Variants in DENND1A observed in about 807,000 individuals in gnomAD.
The protein encoded by DENND1A is DENN domain-containing protein 1A.
Under a neutral mutation model 113.7 loss-of-function variants are expected in DENND1A, and 51 were observed. That is an observed-to-expected ratio of 0.45 (90% CI 0.36 to 0.57). The LOEUF is 0.57. DENND1A is among the 20% of genes least tolerant of loss of function. The probability of loss-of-function intolerance (pLI) is 0.00; values close to 1 mark genes in which losing one functional copy is unlikely to be tolerated. For synonymous variants in DENND1A, 565 were observed against 570.8 expected (o/e 0.99, Z 0.14); for missense variants, 1,258 against 1,395.9 (o/e 0.90, Z 1.57).
chr9:123,886,178 T>A (rs1490355531), intron 1 of DENND1A, among the ~76,000 whole-genome samples: 4 of 151,958 alleles, frequency 2.6e-5, no homozygotes, highest in African/African-American at 9.7e-5. Context: ...TAATGGCGTT[T>A]TTTGTTTTGT....
intron 1 of DENND1A, among the ~76,000 whole-genome samples, chr9:123,885,018 C>CAG (rs1341033560): frequency 6.7e-6 from 1 of 149,696 alleles, no homozygotes; most frequent in African/African-American, 2.5e-5. Flanking sequence ...CACACACACA[C>CAG]ACACACACAC....
chr9:123,701,011 A>T (rs2065852377), intron 5 of DENND1A, among the ~76,000 whole-genome samples: 1 of 152,236 alleles, frequency 6.6e-6, no homozygotes, highest in Non-Finnish European at 1.5e-5. Flanking sequence ...TTTAATACCA[A>T]TTTCCTTACC....
intron 10 of DENND1A, among the ~76,000 whole-genome samples, chr9:123,614,415 T>A (rs547903166): frequency 6.6e-6 from 1 of 152,312 alleles, no homozygotes; most frequent in South Asian, 2.1e-4. Flanking sequence ...GAAGCAAGAA[T>A]ATGGAAACTG....
At chr9:123,900,326 C>T (rs145625243) in intron 1 of DENND1A, among the ~76,000 whole-genome samples, 9 of 152,266 alleles carry the variant, frequency 5.9e-5, no homozygotes, top group Admixed American at 1.3e-4. Flanking sequence ...CCGTTATGTG[C>T]CACATACAGT....
chr9:123,639,451 T>TA (rs2061906404), intron 9 of DENND1A, among the ~76,000 whole-genome samples: 1 of 43,550 alleles, frequency 2.3e-5, no homozygotes, highest in Admixed American at 2.5e-4. Flanking sequence ...CCCAACCCCC[T>TA]ACCAAAAAAA....
Position 123,558,299 on chromosome 9 carries a change from T to G in DENND1A, c.868-604A>C, listed in dbSNP as rs1046486613. Among the ~76,000 whole-genome samples, 19 of 152,162 alleles carry G rather than the reference T, an allele frequency of 1.2e-4. 1 individual carries two copies. The highest frequency in any genetic ancestry group is 1.9e-4 in the Non-Finnish European group (13 of 68,032). On this transcript the variant is annotated intron_variant, in intron 12 of 23. Coordinates refer to ENST00000394215, the MANE Select transcript of DENND1A (RefSeq NM_001352964.2). ...CTGGGCCCAAACTCAGACTTTCAGT[T>G]CCCATTCTATCCCCTCTTAAAGCTA...
At chr9:123,684,260 C>G (rs1235572705) in intron 5 of DENND1A, among the ~76,000 whole-genome samples, 2 of 152,164 alleles carry the variant, frequency 1.3e-5, no homozygotes, top group African/African-American at 4.8e-5. Flanking sequence ...GTGCCACAGG[C>G]CTCCTGTTGC....
chr9:123,415,410 G>T (rs563647438), intron 19 of DENND1A, among the ~76,000 whole-genome samples: 1 of 152,166 alleles, frequency 6.6e-6, no homozygotes, highest in African/African-American at 2.4e-5. Flanking sequence ...CAGGGGGTGC[G>T]CATTGAAGAC....
At chr9:123,449,627 C>T (rs745746101) in intron 18 of DENND1A, among the ~76,000 whole-genome samples, 20 of 151,718 alleles carry the variant, frequency 1.3e-4, no homozygotes, top group Non-Finnish European at 1.9e-4. Context: ...CTTACAGTAA[C>T]CTCACTGTCT....
Position 123,381,171 on chromosome 9 carries a change from C to T in DENND1A, c.*261G>A. On this transcript the variant is annotated 3_prime_UTR_variant, in exon 24 of 24. Coordinates refer to ENST00000394215, the MANE Select transcript of DENND1A (RefSeq NM_001352964.2). This position sits in a 1 kb window ranked among gnomAD's most constrained non-coding sequence, Gnocchi z 4.7. Reference sequence around the variant, plus strand: ...TGACCTCTTTAGTGCAAAACCCAATCAAGGGTGCCGAGGAGAGGCAACCGC... The same window carrying T: ...TGACCTCTTTAGTGCAAAACCCAATTAAGGGTGCCGAGGAGAGGCAACCGC... 2 of 535,078 alleles carry T rather than the reference C, an allele frequency of 3.7e-6. No homozygotes were observed. The highest frequency in any genetic ancestry group is 1.9e-5 in the African/African-American group (1 of 52,368). The allele number at this position is 535,078 out of a possible 1,614,324, so 33.1% of individuals were successfully genotyped here.
intron 2 of DENND1A, among the ~76,000 whole-genome samples, chr9:123,809,740 G>A (rs922847118): frequency 6.6e-6 from 1 of 152,134 alleles, no homozygotes; most frequent in Non-Finnish European, 1.5e-5. Context: ...GCATGATCTC[G>A]GATCACTGCA....
At chr9:123,849,445 C>T (rs1843041098) in intron 2 of DENND1A, among the ~76,000 whole-genome samples, 1 of 152,086 alleles carries the variant, frequency 6.6e-6, no homozygotes, top group South Asian at 2.1e-4. Flanking sequence ...TGAGTAATGA[C>T]ACAAACCACA....
intron 13 of DENND1A, among the ~76,000 whole-genome samples, chr9:123,542,570 C>G (rs1231829160): frequency 6.6e-6 from 1 of 152,188 alleles, no homozygotes; most frequent in Admixed American, 6.5e-5. Flanking sequence ...GTGACCTTTG[C>G]ACACTGAGTT....
intron 11 of DENND1A, among the ~76,000 whole-genome samples, chr9:123,594,527 A>G (rs993709108): frequency 6.6e-6 from 1 of 151,374 alleles, no homozygotes; most frequent in African/African-American, 2.4e-5. Context: ...ATCAACAAAC[A>G]TACTGAGCAA....
At chr9:123,526,020 T>C (rs2054812032) in intron 13 of DENND1A, among the ~76,000 whole-genome samples, 1 of 152,076 alleles carries the variant, frequency 6.6e-6, no homozygotes, top group Admixed American at 6.5e-5. Flanking sequence ...CCTCCCAAAA[T>C]GCTGGGATTA....
At chr9:123,472,792 A>C (rs59460368) in intron 13 of DENND1A, among the ~76,000 whole-genome samples, 20 of 152,124 alleles carry the variant, frequency 1.3e-4, no homozygotes, top group African/African-American at 4.6e-4. Flanking sequence ...AACTTCCTGC[A>C]TTCCCATAAC....
chr9:123,907,445 C>A (rs1473467670), intron 1 of DENND1A, among the ~76,000 whole-genome samples: 1 of 151,228 alleles, frequency 6.6e-6, no homozygotes, highest in African/African-American at 2.4e-5. Context: ...ATCTAGAAAA[C>A]CCCATTGTCT....
chr9:123,564,180 T>G (rs1402996743), intron 12 of DENND1A, among the ~76,000 whole-genome samples: 1 of 152,240 alleles, frequency 6.6e-6, no homozygotes, highest in Non-Finnish European at 1.5e-5. Flanking sequence ...GCAGTTTACA[T>G]GTCTTTCTCC....
At chr9:123,893,513 A>G (rs1253437545) in intron 1 of DENND1A, among the ~76,000 whole-genome samples, 1 of 151,940 alleles carries the variant, frequency 6.6e-6, no homozygotes, top group Non-Finnish European at 1.5e-5. Context: ...ATGCCCCCAC[A>G]TTTTAGTCAT....
Sources: gnomAD v4.1 joint callset for allele counts (sites outside exome capture counted in the v4.1 genomes callset) on GRCh38, gnomAD v4.1.1 for gene constraint, Gnocchi (gnomAD v3.1) non-coding constraint, MANE v1.5 for transcripts, NCBI Gene and HGNC (gene_info 2026-07-23, HGNC 2026-07-21) for gene names.